C2orf42: variants seen among roughly 807,000 people sequenced by gnomAD.
C2orf42 encodes the protein chromosome 2 open reading frame 42.
In C2orf42, 44 loss-of-function variants were observed where a neutral mutation model predicts 58.9. The ratio of observed to expected loss-of-function variants is 0.75; its 90% CI spans 0.59 to 0.96. The LOEUF is 0.96. Ranked by LOEUF, C2orf42 falls within the 40% of genes least tolerant of loss-of-function variation. The pLI, the probability that C2orf42 is intolerant of heterozygous loss-of-function variation, is 0.00. For missense variants in C2orf42, 630 were observed against 699.2 expected (o/e 0.90, Z 1.12); for synonymous variants, 239 against 265.4 (o/e 0.90, Z 0.97).
At chr2:70,163,391 C>G (rs751667418) in intron 8 of C2orf42, among the ~76,000 whole-genome samples, 5 of 151,826 alleles carry the variant, frequency 3.3e-5, no homozygotes, top group Non-Finnish European at 5.9e-5. Context: ...ACTACAGGAG[C>G]CTGCCACCAT....
intron 8 of C2orf42, among the ~76,000 whole-genome samples, chr2:70,163,402 G>T (rs1558661335): frequency 6.6e-6 from 1 of 151,634 alleles, no homozygotes; most frequent in Non-Finnish European, 1.5e-5. Context: ...CTGCCACCAT[G>T]CCCGGCTAAT....
rs142949857 is a variant in C2orf42 at position 70,177,901 on chromosome 2, A to C, written c.934+1631T>G. Reference sequence around the variant, plus strand: ...AAACAAACCAAAAAATTAGCCAGGCATGGTGGCTTGTGCCTGTAGTCCCAG... The same window carrying C: ...AAACAAACCAAAAAATTAGCCAGGCCTGGTGGCTTGTGCCTGTAGTCCCAG... On this transcript the variant is annotated intron_variant, in intron 4 of 9. Transcript: ENST00000264434. 3.8e-3 allele frequency among the ~76,000 whole-genome samples: 574 copies of C among 152,174 alleles called. 2 individuals are homozygous for C. Among genetic ancestry groups the C allele is most frequent in the African/African-American group, 0.013 (549 of 41,540 alleles).
At chr2:70,180,941 C>T (rs1362986200) in intron 3 of C2orf42, among the ~76,000 whole-genome samples, 1 of 135,838 alleles carries the variant, frequency 7.4e-6, no homozygotes. Context: ...GTCAAGGCTG[C>T]TGTGAGCTGT....
At chr2:70,184,947 G>A (rs960638962) in intron 1 of C2orf42, among the ~76,000 whole-genome samples, 42 of 151,420 alleles carry the variant, frequency 2.8e-4, no homozygotes, top group African/African-American at 7.5e-4. Flanking sequence ...AAAATTAGCC[G>A]GGCGTGGTGG....
intron 9 of C2orf42, among the ~76,000 whole-genome samples, chr2:70,154,718 T>C (rs1022939817): frequency 1.2e-4 from 18 of 152,120 alleles, no homozygotes; most frequent in African/African-American, 4.3e-4. Context: ...CTAACTTACA[T>C]CATGATAAAT....
chr2:70,166,215 G>A (rs908518489), intron 6 of C2orf42, among the ~76,000 whole-genome samples: 2 of 151,460 alleles, frequency 1.3e-5, no homozygotes, highest in Non-Finnish European at 2.9e-5. Context: ...TTAGCCAGGC[G>A]TGGTGGTATG....
rs767389679 is a variant in C2orf42 at position 70,175,538 on chromosome 2, G to A, written c.1039+135C>T. 82 of 698,446 alleles carry A rather than the reference G, an allele frequency of 1.2e-4. 1 individual carries two copies. Among genetic ancestry groups the A allele is most frequent in the Middle Eastern group, 4.9e-4 (2 of 4,044 alleles). The allele number at this position is 698,446 out of a possible 1,614,324, so 43.3% of individuals were successfully genotyped here. Reference sequence around the variant, plus strand: ...TGATTTGAAACTGGTGGGACAGGAGGGACCTCAGCCTCAGTGCTTCTGTTA... The same window carrying A: ...TGATTTGAAACTGGTGGGACAGGAGAGACCTCAGCCTCAGTGCTTCTGTTA... On this transcript the variant is annotated intron_variant, in intron 5 of 9. Coordinates refer to ENST00000264434, the MANE Select transcript of C2orf42 (RefSeq NM_017880.3).
chr2:70,169,473 T>C (rs1673646881), intron 6 of C2orf42, 84 bp downstream of exon 6: 2 of 660,266 alleles, frequency 3.0e-6, no homozygotes, highest in African/African-American at 3.5e-5. Context: ...TCCAATTACT[T>C]TTCCTATCAG....
intron 1 of C2orf42, among the ~76,000 whole-genome samples, chr2:70,189,922 C>T (rs79005938): frequency 0.022 from 3,363 of 150,068 alleles, 136 homozygotes; most frequent in African/African-American, 0.078. Context: ...ATATGCTATT[C>T]TTGGTTTTAC....
intron 5 of C2orf42, among the ~76,000 whole-genome samples, chr2:70,173,783 A>AT (rs945940279): frequency 5.3e-5 from 8 of 150,604 alleles, no homozygotes; most frequent in Non-Finnish European, 8.9e-5. Flanking sequence ...CACCCAGCTA[A>AT]TTTTTTTTTG....
At chr2:70,174,202 G>A (rs2104935251) in intron 5 of C2orf42, among the ~76,000 whole-genome samples, 1 of 152,076 alleles carries the variant, frequency 6.6e-6, no homozygotes, top group East Asian at 1.9e-4. Flanking sequence ...CAGCTACTTG[G>A]GAGGCTAAAA....
chr2:70,163,987 T>C (rs1464303202), intron 8 of C2orf42, among the ~76,000 whole-genome samples: 4 of 151,366 alleles, frequency 2.6e-5, no homozygotes, highest in East Asian at 1.9e-4. Context: ...CTGGGCAACA[T>C]AGCAAGACCC....
rs79510568 is a variant in C2orf42, at chr2:70,156,288, A to C, written c.1516+4337T>G. Among the ~76,000 whole-genome samples the C allele has an allele frequency of 2.3e-3, 353 of 152,324 alleles. 1 individual carries two copies. Among genetic ancestry groups the C allele is most frequent in the African/African-American group, 8.1e-3 (339 of 41,600 alleles). The stretch of plus-strand genomic sequence containing the variant: ...AAATATAAAGAGGATAGACCATTAA[A>C]ATTAGAAAAACTCAAAACCAAGTAT... On this transcript the variant is annotated intron_variant, in intron 9 of 9. Coordinates refer to ENST00000264434, the MANE Select transcript of C2orf42 (RefSeq NM_017880.3).
chr2:70,184,479 ATTTTTTTTTTT>A (rs771522645), intron 1 of C2orf42, among the ~76,000 whole-genome samples: 2 of 77,356 alleles, frequency 2.6e-5, no homozygotes, highest in African/African-American at 5.8e-5. Flanking sequence ...GCCTGGCCCT[ATTTTTTTTTTT>A]TTTTTTTTTT....
intron 6 of C2orf42, among the ~76,000 whole-genome samples, chr2:70,168,946 C>T (rs1007463753): frequency 6.6e-6 from 1 of 151,926 alleles, no homozygotes; most frequent in Non-Finnish European, 1.5e-5. Context: ...AACTCCTGAC[C>T]TCAAGTGATC....
At chr2:70,163,437 G>C (rs919468720) in intron 8 of C2orf42, among the ~76,000 whole-genome samples, 2 of 151,598 alleles carry the variant, frequency 1.3e-5, no homozygotes, top group Admixed American at 6.6e-5. Flanking sequence ...AGTAGAGACG[G>C]GGTTTCACTG....
At chr2:70,178,509 A>G (rs1304166834) in intron 4 of C2orf42, among the ~76,000 whole-genome samples, 1 of 152,184 alleles carries the variant, frequency 6.6e-6, no homozygotes, top group Non-Finnish European at 1.5e-5. Context: ...CAAGAGGCTG[A>G]GGCAGAAGAA....
At chr2:70,169,500 A>C (rs1673648583) in intron 6 of C2orf42, 57 bp downstream of exon 6, 3 of 885,926 alleles carry the variant, frequency 3.4e-6, no homozygotes, top group Non-Finnish European at 5.7e-6. Flanking sequence ...ATTACAGCAC[A>C]ATTACCTTAA....
At chr2:70,164,394 C>T (rs140871718) in intron 8 of C2orf42, among the ~76,000 whole-genome samples, 1 of 151,812 alleles carries the variant, frequency 6.6e-6, no homozygotes, top group Non-Finnish European at 1.5e-5. Context: ...GCCTTGTAAT[C>T]CCAGCAGTTT....
Sources: allele counts gnomAD v4.1 joint callset (sites outside exome capture counted in the v4.1 genomes callset), GRCh38; gene constraint gnomAD v4.1.1; transcripts MANE v1.5; gene names NCBI Gene and HGNC (gene_info 2026-07-23, HGNC 2026-07-21).